WWTR1: variants seen among roughly 807,000 people sequenced by gnomAD.
WWTR1 encodes WW domain-containing transcription regulator protein 1.
A neutral mutation model predicts 40.1 loss-of-function variants in WWTR1; 13 were observed. That is an observed-to-expected ratio of 0.32 (90% CI 0.21 to 0.52). The LOEUF (loss-of-function observed/expected upper bound fraction) is 0.52. Ranked by LOEUF, WWTR1 falls within the 20% of genes least tolerant of loss-of-function variation. The pLI is 0.97. For missense variants in WWTR1, 436 were observed against 523.1 expected (o/e 0.83, Z 1.63); for synonymous variants, 230 against 210.1 (o/e 1.09, Z -0.82).
intron 1 of WWTR1, among the ~76,000 whole-genome samples, chr3:149,678,802 A>G (rs1367824208): frequency 1.3e-5 from 2 of 151,184 alleles, no homozygotes; most frequent in East Asian, 3.9e-4. Flanking sequence ...TGGAGGAATT[A>G]TATTAACGTG....
At chr3:149,563,019 C>A (rs1252875882) in intron 3 of WWTR1, among the ~76,000 whole-genome samples, 3 of 152,152 alleles carry the variant, frequency 2.0e-5, no homozygotes, top group Non-Finnish European at 4.4e-5. Flanking sequence ...TCGAATCCCA[C>A]TGCCTGCCTT....
chr3:149,582,284 G>GAA (rs764148154), intron 2 of WWTR1, among the ~76,000 whole-genome samples: 3 of 141,228 alleles, frequency 2.1e-5, no homozygotes, highest in African/African-American at 7.7e-5. Flanking sequence ...ACATAAGAAG[G>GAA]AAAAAAAAAA....
chr3:149,572,858 G>T lies in WWTR1; in HGVS notation c.568+6C>A, dbSNP rs775582424. ...TTTTTTAATTTTAAAAAAGCTTGAG[G>T]CTTACCGAGATTTGGCTGGGATACT... is the stretch of plus-strand genomic sequence containing the variant. On this transcript the variant is annotated splice_donor_region_variant and intron_variant, in intron 3 of 6. Coordinates refer to ENST00000360632, the MANE Select transcript of WWTR1 (RefSeq NM_015472.6). The T allele has an allele frequency of 1.2e-6, 2 of 1,613,630 alleles. No individual in the cohort carries two copies. The highest frequency in any genetic ancestry group is 1.3e-5 in the African/African-American group (1 of 74,932).
chr3:149,715,954 C>T lies in WWTR1; in HGVS notation n.584+1488G>A, dbSNP rs1015676729. Among the ~76,000 whole-genome samples, 11 of 152,292 alleles carry T rather than the reference C, an allele frequency of 7.2e-5. No individual in the cohort carries two copies. The South Asian group carries it at 1.5e-3, about 20-fold the overall frequency. ...GGGGTTAACTAGGGAGCCTCATCAA[C>T]ATTTATGGCATTGTCTTCCTAAGAA... On this transcript the variant is annotated intron_variant and non_coding_transcript_variant, in intron 5 of 6. Transcript: ENST00000474080.
chr3:149,598,191 G>A (rs1739089924), intron 2 of WWTR1, among the ~76,000 whole-genome samples: 1 of 152,222 alleles, frequency 6.6e-6, no homozygotes, highest in Non-Finnish European at 1.5e-5. Context: ...CTAGCAGCAT[G>A]TCAAAAATCA....
intron 3 of WWTR1, among the ~76,000 whole-genome samples, chr3:149,563,775 G>A (rs751441531): frequency 1.3e-5 from 2 of 152,014 alleles, no homozygotes; most frequent in African/African-American, 2.4e-5. Flanking sequence ...GCTTTGAGGC[G>A]GAGTCTGGCT....
At chr3:149,537,742 C>G (rs185181492) in intron 4 of WWTR1, among the ~76,000 whole-genome samples, 18 of 152,270 alleles carry the variant, frequency 1.2e-4, no homozygotes, top group African/African-American at 4.1e-4. Context: ...TCTACTCTTT[C>G]TGTACTGTCA....
At chr3:149,716,099 T>C (rs1053691827) in intron 5 of WWTR1, among the ~76,000 whole-genome samples, 9 of 152,142 alleles carry the variant, frequency 5.9e-5, no homozygotes, top group African/African-American at 2.2e-4. Context: ...GAAATTGTTC[T>C]GCGCCTGGCG....
intron 2 of WWTR1, among the ~76,000 whole-genome samples, chr3:149,576,725 A>AT (rs1737898020): frequency 6.6e-6 from 1 of 152,192 alleles, no homozygotes; most frequent in Non-Finnish European, 1.5e-5. Flanking sequence ...TTATGGTGAT[A>AT]TATGCAAATA....
At chr3:149,594,578 G>GT (rs890089016) in intron 2 of WWTR1, among the ~76,000 whole-genome samples, 3 of 151,974 alleles carry the variant, frequency 2.0e-5, no homozygotes, top group Non-Finnish European at 2.9e-5. Flanking sequence ...GTGGTCTAAA[G>GT]TTTTTTTCAA....
chr3:149,687,619 G>A (rs1302771769), intron 1 of WWTR1, among the ~76,000 whole-genome samples: 2 of 152,108 alleles, frequency 1.3e-5, no homozygotes, highest in East Asian at 3.9e-4. Flanking sequence ...TGAGTAATTC[G>A]CTCAAGATCA....
At chr3:149,648,731 C>T (rs1264011950) in intron 2 of WWTR1, among the ~76,000 whole-genome samples, 3 of 152,210 alleles carry the variant, frequency 2.0e-5, no homozygotes, top group Non-Finnish European at 4.4e-5. Context: ...CTGCAAATTT[C>T]AGACCTTTAG....
intron 2 of WWTR1, among the ~76,000 whole-genome samples, chr3:149,654,145 CT>C (rs1271160049): frequency 6.7e-6 from 1 of 150,070 alleles, no homozygotes; most frequent in Non-Finnish European, 1.5e-5. Flanking sequence ...AAAAATGTAT[CT>C]GCTAGCCTCA....
At chr3:149,682,478 G>T (rs722421) in intron 1 of WWTR1, among the ~76,000 whole-genome samples, 2,522 of 152,258 alleles carry the variant, frequency 0.017, 32 homozygotes, top group Non-Finnish European at 0.025. Flanking sequence ...TTCTACTTTG[G>T]TGAAGTTGGA....
intron 2 of WWTR1, among the ~76,000 whole-genome samples, chr3:149,643,673 T>A (rs890158336): frequency 6.6e-6 from 1 of 152,128 alleles, no homozygotes; most frequent in African/African-American, 2.4e-5. Flanking sequence ...TATTTTTCTG[T>A]CTCTCAAAAC....
intron 2 of WWTR1, among the ~76,000 whole-genome samples, chr3:149,637,360 G>A (rs1711885348): frequency 2.0e-5 from 3 of 151,800 alleles, no homozygotes; most frequent in Admixed American, 2.0e-4. Context: ...CCAGTAGCTG[G>A]GATTACAGGG....
At chr3:149,556,093 G>C (rs1350903978) in intron 3 of WWTR1, among the ~76,000 whole-genome samples, 5 of 152,218 alleles carry the variant, frequency 3.3e-5, no homozygotes, top group Non-Finnish European at 7.3e-5. Flanking sequence ...TGAGGGGCCG[G>C]GACCAGGTCC....
chr3:149,659,059 G>C (rs1006678745), upstream of WWTR1, among the ~76,000 whole-genome samples: 3 of 152,200 alleles, frequency 2.0e-5, no homozygotes, highest in Admixed American at 6.5e-5. Context: ...CGAAACAGCT[G>C]CGGGAAGTAG....
At chr3:149,702,117 G>A (rs903766357) in intron 1 of WWTR1, 7 of 159,378 alleles carry the variant, frequency 4.4e-5, no homozygotes, top group Non-Finnish European at 4.1e-5. Flanking sequence ...GACTCCTTCC[G>A]TACTCTGTAT....
Sources: gnomAD v4.1 joint callset for allele counts (sites outside exome capture counted in the v4.1 genomes callset) on GRCh38, gnomAD v4.1.1 for gene constraint, MANE v1.5 for transcripts, NCBI Gene and HGNC (gene_info 2026-07-23, HGNC 2026-07-21) for gene names.